TRAF3IP1: variants seen among roughly 807,000 people sequenced by gnomAD.
TRAF3IP1 encodes TRAF3-interacting protein 1.
In TRAF3IP1, 53 loss-of-function variants were observed where a neutral mutation model predicts 89.9. The ratio of observed to expected loss-of-function variants is 0.59; its 90% confidence interval spans 0.47 to 0.74. TRAF3IP1 has a LOEUF of 0.74. TRAF3IP1 is among the 30% of genes least tolerant of loss of function. The probability of loss-of-function intolerance (pLI) is 0.00; values close to 1 mark genes in which losing one functional copy is unlikely to be tolerated. For synonymous variants in TRAF3IP1, 311 were observed against 322.1 expected (o/e 0.97, Z 0.37); for missense variants, 806 against 866.1 (o/e 0.93, Z 0.87).
At chr2:238,323,366 A>G (rs1236653807) in intron 1 of TRAF3IP1, among the ~76,000 whole-genome samples, 1 of 152,180 alleles carries the variant, frequency 6.6e-6, no homozygotes, top group African/African-American at 2.4e-5. Flanking sequence ...GGTGTGAGCT[A>G]CTGTACCCAG....
chr2:238,337,080 TG>T (rs1698421329), intron 7 of TRAF3IP1, among the ~76,000 whole-genome samples: 1 of 152,144 alleles, frequency 6.6e-6, no homozygotes, highest in Non-Finnish European at 1.5e-5. Context: ...GGGCTGCCCC[TG>T]GCCAGGTGAG....
chr2:238,392,959 C>T (rs899777128), intron 15 of TRAF3IP1, among the ~76,000 whole-genome samples: 8 of 152,228 alleles, frequency 5.3e-5, no homozygotes, highest in Non-Finnish European at 7.3e-5. Flanking sequence ...TCGAAGGACA[C>T]GGGGGTTGTT....
At chr2:238,381,873 A>T (rs1438095883) in intron 15 of TRAF3IP1, among the ~76,000 whole-genome samples, 1 of 152,182 alleles carries the variant, frequency 6.6e-6, no homozygotes, top group Non-Finnish European at 1.5e-5. Context: ...GAAAAGCAAA[A>T]AAATGACATG....
intron 8 of TRAF3IP1, among the ~76,000 whole-genome samples, chr2:238,340,011 C>T (rs1165540627): frequency 2.2e-5 from 3 of 138,264 alleles, no homozygotes; most frequent in Non-Finnish European, 3.0e-5. Flanking sequence ...TGCTGGGGAG[C>T]AGAGTCTCCC....
At chr2:238,386,202 G>A (rs150636918) in intron 15 of TRAF3IP1, among the ~76,000 whole-genome samples, 2 of 152,166 alleles carry the variant, frequency 1.3e-5, no homozygotes, top group African/African-American at 4.8e-5. Flanking sequence ...AGGTAAAGCC[G>A]GTCTTAGAGT....
intron 1 of TRAF3IP1, among the ~76,000 whole-genome samples, chr2:238,323,835 C>T (rs1259755541): frequency 6.6e-6 from 1 of 152,146 alleles, no homozygotes; most frequent in African/African-American, 2.4e-5. Flanking sequence ...ACCCAGGACC[C>T]TGGCTGGGTG....
At chr2:238,360,349 G>A (rs1007862919) in intron 15 of TRAF3IP1, among the ~76,000 whole-genome samples, 1 of 152,178 alleles carries the variant, frequency 6.6e-6, no homozygotes, top group Non-Finnish European at 1.5e-5. Flanking sequence ...CCATAGGGCT[G>A]GGTGCTATGG....
chr2:238,397,056 G>A (rs1701258539), intron 15 of TRAF3IP1, among the ~76,000 whole-genome samples: 1 of 152,210 alleles, frequency 6.6e-6, no homozygotes, highest in African/African-American at 2.4e-5. Context: ...TGTAGGGTCA[G>A]GCCCTCATTC....
At chr2:238,347,637 TA>T (rs978036507) in intron 10 of TRAF3IP1, among the ~76,000 whole-genome samples, 162 bp downstream of exon 10, 44 of 152,240 alleles carry the variant, frequency 2.9e-4, no homozygotes, top group Admixed American at 2.7e-3. Context: ...TTTATTTATT[TA>T]TTTTTTGAGA....
intron 15 of TRAF3IP1, among the ~76,000 whole-genome samples, chr2:238,394,391 A>G (rs549570654): frequency 2.0e-5 from 3 of 152,274 alleles, no homozygotes; most frequent in South Asian, 4.1e-4. Flanking sequence ...TCATGTCTTT[A>G]CTGTGTCCTG....
Position 238,385,465 on chromosome 2 carries a change from A to G in TRAF3IP1, c.1690-11994A>G, listed in dbSNP as rs181066580. ...TCCATTATACTGAAAACCTGTAATG[A>G]ACTAGGAATAGAAAACTACTTCTTT... On this transcript the variant is annotated intron_variant, in intron 15 of 16. Coordinates refer to ENST00000373327, the MANE Select transcript of TRAF3IP1 (RefSeq NM_015650.4). Among the ~76,000 whole-genome samples, 17 of 152,370 alleles carry G rather than the reference A, an allele frequency of 1.1e-4. 1 individual carries two copies. Among genetic ancestry groups the G allele is most frequent in the Admixed American group, 1.0e-3 (16 of 15,308 alleles).
At chr2:238,343,723 G>C (rs867817342) in intron 8 of TRAF3IP1, among the ~76,000 whole-genome samples, 28 of 147,572 alleles carry the variant, frequency 1.9e-4, no homozygotes, top group African/African-American at 6.6e-4. Context: ...CGTGATCACA[G>C]CTTATTGCAG....
intron 8 of TRAF3IP1, among the ~76,000 whole-genome samples, chr2:238,339,816 C>T (rs13429066): frequency 0.12 from 17,801 of 152,356 alleles, 1,771 homozygotes; most frequent in African/African-American, 0.27. Flanking sequence ...AGACAGCGCT[C>T]ATCCTGAGAT....
intron 15 of TRAF3IP1, among the ~76,000 whole-genome samples, chr2:238,376,398 T>C (rs1015978799): frequency 5.3e-5 from 8 of 152,198 alleles, no homozygotes; most frequent in Non-Finnish European, 1.0e-4. Context: ...CTGTAATGAC[T>C]GTAGCTTCAG....
chr2:238,359,549 C>G (rs953040073), intron 15 of TRAF3IP1, among the ~76,000 whole-genome samples: 2 of 152,058 alleles, frequency 1.3e-5, no homozygotes, highest in African/African-American at 4.8e-5. Context: ...CAGCGTGTAT[C>G]TATAGTTTAT....
intron 15 of TRAF3IP1, among the ~76,000 whole-genome samples, chr2:238,378,053 A>G (rs995525931): frequency 6.6e-6 from 1 of 152,050 alleles, no homozygotes; most frequent in African/African-American, 2.4e-5. Context: ...TGTTTTAACC[A>G]ATATTACTTA....
intron 15 of TRAF3IP1, among the ~76,000 whole-genome samples, chr2:238,383,013 C>G (rs1022505611): frequency 6.6e-6 from 1 of 152,082 alleles, no homozygotes; most frequent in Non-Finnish European, 1.5e-5. Flanking sequence ...TCACCACTCT[C>G]GGGCTCCAGC....
At chr2:238,334,071 G>A (rs764978326) in intron 7 of TRAF3IP1, 36 bp downstream of exon 7, 25 of 1,366,178 alleles carry the variant, frequency 1.8e-5, no homozygotes, top group African/African-American at 5.3e-5. Context: ...TGAAAATATG[G>A]ATATTAGTTT....
chr2:238,384,953 C>T (rs1700704784), intron 15 of TRAF3IP1, among the ~76,000 whole-genome samples: 1 of 152,102 alleles, frequency 6.6e-6, no homozygotes, highest in South Asian at 2.1e-4. Flanking sequence ...TAGCCATGGC[C>T]AGGGAAGAGT....
Sources: allele counts gnomAD v4.1 joint callset (sites outside exome capture counted in the v4.1 genomes callset), GRCh38; gene constraint gnomAD v4.1.1; transcripts MANE v1.5; gene names NCBI Gene and HGNC (gene_info 2026-07-23, HGNC 2026-07-21).